EYS: variants seen among roughly 807,000 people sequenced by gnomAD.
The protein encoded by EYS is protein eyes shut homolog.
Under a neutral mutation model 282.1 loss-of-function variants are expected in EYS, and 250 were observed. The observed-to-expected ratio is 0.89, with a 90% CI of 0.80 to 0.98. The LOEUF (loss-of-function observed/expected upper bound fraction) is 0.98. EYS is among the 50% of genes least tolerant of loss of function. The probability of loss-of-function intolerance (pLI) is 0.00; values close to 1 mark genes in which losing one functional copy is unlikely to be tolerated. For missense variants in EYS, 4,016 were observed against 3,709.0 expected (o/e 1.08, Z -2.15); for synonymous variants, 1,355 against 1,282.9 (o/e 1.06, Z -1.20).
At chr6:64,223,559 T>C (rs1250871315) in intron 31 of EYS, among the ~76,000 whole-genome samples, 1 of 152,066 alleles carries the variant, frequency 6.6e-6, no homozygotes, top group Non-Finnish European at 1.5e-5. Context: ...ATGGACCTTG[T>C]ATTCTAGTTC....
intron 28 of EYS, among the ~76,000 whole-genome samples, chr6:64,399,493 A>G (rs551905550): frequency 2.0e-5 from 3 of 151,818 alleles, no homozygotes; most frequent in East Asian, 1.9e-4. Flanking sequence ...TTATGTAGTA[A>G]TTAATACTTG....
At chr6:64,535,952 T>A (rs1764505216) in intron 26 of EYS, among the ~76,000 whole-genome samples, 1 of 152,108 alleles carries the variant, frequency 6.6e-6, no homozygotes, top group African/African-American at 2.4e-5. Flanking sequence ...ATTATATTAA[T>A]CATTTTACAA....
chr6:65,541,137 A>T (rs1332958000), intron 2 of EYS, among the ~76,000 whole-genome samples: 1 of 152,114 alleles, frequency 6.6e-6, no homozygotes, highest in African/African-American at 2.4e-5. Context: ...TTCTCACAGC[A>T]AAATCTGGAA....
chr6:64,842,894 C>T (rs1259061414), intron 19 of EYS, among the ~76,000 whole-genome samples: 2 of 152,014 alleles, frequency 1.3e-5, no homozygotes, highest in Non-Finnish European at 2.9e-5. Flanking sequence ...AGAGAAAACC[C>T]CATTTTTTGA....
intron 5 of EYS, among the ~76,000 whole-genome samples, chr6:65,485,132 T>C (rs1765742362): frequency 6.6e-6 from 1 of 152,230 alleles, no homozygotes; most frequent in Admixed American, 6.5e-5. Context: ...TTCAAATTTG[T>C]TTCCCTAGAA....
chr6:64,126,840 T>C lies in EYS; in HGVS notation c.6425-44838A>G, dbSNP rs540294648. Among the ~76,000 whole-genome samples, 15 of 151,820 alleles carry C rather than the reference T, an allele frequency of 9.9e-5. No individual in the cohort carries two copies. The East Asian group carries it at 1.9e-3, about 20-fold the overall frequency. Reference sequence around the variant, plus strand: ...ATACACATATATTTAAATACATATATACACACACACATATCTATATACATA... The same window carrying C: ...ATACACATATATTTAAATACATATACACACACACACATATCTATATACATA... On this transcript the variant is annotated intron_variant, in intron 31 of 42. Transcript: ENST00000503581.
chr6:64,503,566 AT>A (rs1777120659), intron 26 of EYS, among the ~76,000 whole-genome samples: 1 of 152,178 alleles, frequency 6.6e-6, no homozygotes, highest in Non-Finnish European at 1.5e-5. Flanking sequence ...CTGAGATCAA[AT>A]CTACAGATTC....
intron 28 of EYS, among the ~76,000 whole-genome samples, chr6:64,400,090 T>C (rs1323644275): frequency 6.6e-6 from 1 of 151,962 alleles, no homozygotes; most frequent in Non-Finnish European, 1.5e-5. Flanking sequence ...AGTGAATATA[T>C]CATGAGGGAA....
intron 22 of EYS, among the ~76,000 whole-genome samples, chr6:64,701,708 G>A (rs745406586): frequency 2.0e-5 from 3 of 151,984 alleles, no homozygotes; most frequent in East Asian, 3.9e-4. Context: ...TCAGAGGTGG[G>A]TGAGGGATGA....
At chr6:65,392,615 C>T (rs991928431) in intron 7 of EYS, among the ~76,000 whole-genome samples, 1 of 152,128 alleles carries the variant, frequency 6.6e-6, no homozygotes, top group African/African-American at 2.4e-5. Context: ...ATCAAAACCA[C>T]AATGAGATAC....
At chr6:65,614,595 T>C (rs2149796928) in intron 2 of EYS, among the ~76,000 whole-genome samples, 1 of 152,144 alleles carries the variant, frequency 6.6e-6, no homozygotes, top group Non-Finnish European at 1.5e-5. Context: ...TGTTATAAAA[T>C]GCATAAGAAT....
At chr6:65,071,533 C>A (rs140076107) in intron 12 of EYS, among the ~76,000 whole-genome samples, 341 of 151,776 alleles carry the variant, frequency 2.2e-3, no homozygotes, top group East Asian at 0.012. Flanking sequence ...CCATGAATGG[C>A]ATGCACAACA....
At chr6:64,650,640 T>A (rs1768523963) in intron 22 of EYS, among the ~76,000 whole-genome samples, 1 of 152,064 alleles carries the variant, frequency 6.6e-6, no homozygotes, top group Non-Finnish European at 1.5e-5. Flanking sequence ...GCACAAATTG[T>A]CAGAGAATAT....
At chr6:64,963,193 A>G (rs931132417) in intron 14 of EYS, among the ~76,000 whole-genome samples, 3 of 152,206 alleles carry the variant, frequency 2.0e-5, no homozygotes, top group African/African-American at 7.2e-5. Flanking sequence ...CAAATACTTC[A>G]GTTATCTTTA....
intron 33 of EYS, among the ~76,000 whole-genome samples, chr6:64,032,077 G>A (rs557389552): frequency 5.7e-4 from 86 of 152,142 alleles, no homozygotes; most frequent in African/African-American, 1.8e-3. Flanking sequence ...GCGAGACCAC[G>A]AACTCACCGG....
intron 2 of EYS, among the ~76,000 whole-genome samples, chr6:65,599,047 A>G (rs139491364): frequency 2.0e-4 from 30 of 152,168 alleles, no homozygotes; most frequent in African/African-American, 7.0e-4. Context: ...GACTGCCCGC[A>G]TATACCAAAA....
intron 42 of EYS, among the ~76,000 whole-genome samples, chr6:63,722,054 G>A (rs1768418527): frequency 6.6e-6 from 1 of 152,242 alleles, no homozygotes; most frequent in East Asian, 1.9e-4. Context: ...TATTGTGGTA[G>A]TAAGTTAAAG....
chr6:65,269,764 A>G (rs549751337), intron 12 of EYS, among the ~76,000 whole-genome samples: 1 of 152,238 alleles, frequency 6.6e-6, no homozygotes, highest in African/African-American at 2.4e-5. Flanking sequence ...GTGCATCTTC[A>G]CATGGCAGAC....
chr6:64,013,101 T>G (rs969868040), intron 33 of EYS, among the ~76,000 whole-genome samples: 1 of 152,164 alleles, frequency 6.6e-6, no homozygotes, highest in Non-Finnish European at 1.5e-5. Context: ...TTTCCTGTGA[T>G]GTACTGATAT....
Sources: allele counts gnomAD v4.1 joint callset (sites outside exome capture counted in the v4.1 genomes callset), GRCh38; gene constraint gnomAD v4.1.1; transcripts MANE v1.5; gene names NCBI Gene and HGNC (gene_info 2026-07-23, HGNC 2026-07-21).